Variants in AGPAT5 observed in about 807,000 individuals in gnomAD.
The protein encoded by AGPAT5 is 1-acyl-sn-glycerol-3-phosphate acyltransferase epsilon.
In AGPAT5, 46 loss-of-function variants were observed where a neutral mutation model predicts 45.6. That is an observed-to-expected ratio of 1.01 (90% confidence interval 0.80 to 1.29). The LOEUF is 1.29. Ranked by LOEUF, AGPAT5 falls within the 50% of genes most tolerant of loss-of-function variation. The pLI, the probability that AGPAT5 is intolerant of heterozygous loss-of-function variation, is 0.00. For synonymous variants in AGPAT5, 272 were observed against 167.0 expected, an observed-to-expected ratio of 1.63 and a Z score of -4.85; for missense variants, 673 against 450.7, an observed-to-expected ratio of 1.49 and a Z score of -4.47.
At chr8:6,709,904 A>G (rs1236059366) in intron 1 of AGPAT5, among the ~76,000 whole-genome samples, 2 of 152,194 alleles carry the variant, frequency 1.3e-5, no homozygotes, top group East Asian at 1.9e-4. Context: ...CTTGGAAAGA[A>G]AAAAAGATAC....
rs1014379099 is a variant in AGPAT5, at chr8:6,758,312, A to C, written c.*924A>C. On this transcript the variant is annotated 3_prime_UTR_variant, in exon 8 of 8. Transcript: ENST00000285518. The stretch of plus-strand genomic sequence containing the variant: ...TGCAGACATTCTGCCTAGATTTACT[A>C]GCGTGTGCCTTTTGCCTGCTTCTCT... 1 of 152,648 alleles carries C rather than the reference A, an allele frequency of 6.6e-6. No homozygotes were observed. The highest frequency in any genetic ancestry group is 2.4e-5 in the African/African-American group (1 of 41,450). The allele number at this position is 152,648 out of a possible 1,614,324, so 9.5% of individuals were successfully genotyped here.
intron 1 of AGPAT5, among the ~76,000 whole-genome samples, chr8:6,723,221 G>C (rs1485318298): frequency 6.6e-6 from 1 of 152,144 alleles, no homozygotes; most frequent in African/African-American, 2.4e-5. Context: ...TAGGCTCTTG[G>C]GGTAGAAAAC....
chr8:6,750,747 A>T (rs1049001528), intron 6 of AGPAT5, among the ~76,000 whole-genome samples: 18 of 150,150 alleles, frequency 1.2e-4, no homozygotes, highest in Admixed American at 2.7e-4. Flanking sequence ...AATCCATTAG[A>T]TTGGCAAACA....
chr8:6,753,949 G>A (rs1158942430), intron 6 of AGPAT5, among the ~76,000 whole-genome samples: 1 of 152,154 alleles, frequency 6.6e-6, no homozygotes, highest in Non-Finnish European at 1.5e-5. Flanking sequence ...GGAAGTGTGT[G>A]GGGTTGAAGG....
At chr8:6,719,919 C>G (rs990367958) in intron 1 of AGPAT5, among the ~76,000 whole-genome samples, 3 of 152,150 alleles carry the variant, frequency 2.0e-5, no homozygotes, top group Non-Finnish European at 4.4e-5. Flanking sequence ...TGAGAAGCAC[C>G]AGGAACACCT....
intron 2 of AGPAT5, 40 bp from the exon 3 acceptor site, chr8:6,730,671 A>G (rs370412609): frequency 6.2e-5 from 85 of 1,380,144 alleles, no homozygotes; most frequent in Non-Finnish European, 8.2e-5. Context: ...CAACCTGTGA[A>G]GAGCCTCATG....
intron 6 of AGPAT5, among the ~76,000 whole-genome samples, chr8:6,748,975 A>T (rs1159794992): frequency 6.6e-6 from 1 of 152,238 alleles, no homozygotes. Context: ...ACAACAAAAC[A>T]TTTATAAAAG....
intron 7 of AGPAT5, 139 bp downstream of exon 7, chr8:6,755,313 C>G (rs1331426124): frequency 2.0e-6 from 2 of 977,256 alleles, no homozygotes; most frequent in South Asian, 3.5e-5. Context: ...TTATGCATGT[C>G]TGATCGTGTT....
At position 6,755,151 on chromosome 8, in the gene AGPAT5, T is replaced by A; in HGVS notation, c.846T>A (p.His282Gln). 6.2e-7 allele frequency: 1 copy of A among 1,602,976 alleles called. No individual in the cohort carries two copies. The highest frequency in any genetic ancestry group is 8.5e-7 in the Non-Finnish European group (1 of 1,178,168). ...AAGAACATATGAGAAGATGGCTGCA[T>A]GAACGTTTCGAAATCAAAGATAAGT... ...EEQEHMRRWL[H>Q]ERFEIKDKML... is the part of the protein sequence containing the mutation. Residue 282 changes from histidine to glutamine, a missense_variant, in exon 7 of 8, where the codon CAT (histidine) becomes CAA (glutamine). Transcript: ENST00000285518.
rs779466848 is a variant in AGPAT5 at position 6,760,918 on chromosome 8, T to C, written c.*3530T>C. Among the ~76,000 whole-genome samples the C allele has an allele frequency of 5.3e-5, 8 of 152,330 alleles. No homozygotes were observed. Among genetic ancestry groups the C allele is most frequent in the African/African-American group, 1.7e-4 (7 of 41,580 alleles). Reference sequence around the variant, plus strand: ...TTTAAAACCTTCAACTATTATGAAGTGCTCGTCTGTACAATCGCTAATTTA... The same window carrying C: ...TTTAAAACCTTCAACTATTATGAAGCGCTCGTCTGTACAATCGCTAATTTA... On this transcript the variant is annotated 3_prime_UTR_variant, in exon 8 of 8. Transcript: ENST00000285518.
chr8:6,724,111 C>T (rs896258625), intron 1 of AGPAT5, among the ~76,000 whole-genome samples: 3 of 152,122 alleles, frequency 2.0e-5, no homozygotes, highest in East Asian at 1.9e-4. Flanking sequence ...ACAGGTACAT[C>T]GAACACCTGT....
intron 1 of AGPAT5, among the ~76,000 whole-genome samples, chr8:6,723,603 C>T (rs1035591063): frequency 6.6e-6 from 1 of 152,364 alleles, no homozygotes; most frequent in East Asian, 1.9e-4. Flanking sequence ...GATTTACTCA[C>T]AAGCCACGAT....
rs556400556 is a variant in AGPAT5 at position 6,742,210 on chromosome 8, A to C, written c.586+459A>C. Among the ~76,000 whole-genome samples, 13 of 152,346 alleles carry C rather than the reference A, an allele frequency of 8.5e-5. No individual in the cohort carries two copies. In the South Asian group the frequency reaches 2.7e-3, roughly 32 times the overall value. ...CATCTCTTAAAAGAACATATGCCTTATAAGTAGATCTAAATCTGTGTGAGG... is the reference window on the plus strand; with the variant it reads ...CATCTCTTAAAAGAACATATGCCTTCTAAGTAGATCTAAATCTGTGTGAGG... On this transcript the variant is annotated intron_variant, in intron 5 of 7. Transcript: ENST00000285518.
chr8:6,739,146 C>CTA (rs145838978), intron 4 of AGPAT5, among the ~76,000 whole-genome samples: 4,277 of 151,264 alleles, frequency 0.028, 135 homozygotes, highest in African/African-American at 0.072. Context: ...TTATATTGAT[C>CTA]TATATATATA....
At chr8:6,754,971 T>A in intron 6 of AGPAT5, 80 bp from the exon 7 acceptor site, 1 of 1,203,412 alleles carries the variant, frequency 8.3e-7, no homozygotes. Context: ...TTTGTCCTGT[T>A]ACCTTATTTT....
chr8:6,746,858 T>C (rs1587057384), intron 5 of AGPAT5, among the ~76,000 whole-genome samples: 1 of 152,194 alleles, frequency 6.6e-6, no homozygotes, highest in African/African-American at 2.4e-5. Flanking sequence ...TGTCAGTAAA[T>C]ATTTTAATCA....
At chr8:6,744,237 T>G (rs1461789297) in intron 5 of AGPAT5, among the ~76,000 whole-genome samples, 4 of 152,226 alleles carry the variant, frequency 2.6e-5, no homozygotes, top group African/African-American at 9.6e-5. Flanking sequence ...CAAATGTTTA[T>G]TCTTTCTCAT....
At chr8:6,737,141 C>T (rs948641510) in intron 4 of AGPAT5, among the ~76,000 whole-genome samples, 2 of 152,176 alleles carry the variant, frequency 1.3e-5, no homozygotes, top group Non-Finnish European at 1.5e-5. Context: ...ATGTTCCTAG[C>T]GCAGTGTGGA....
At chr8:6,723,745 A>G (rs1487169413) in intron 1 of AGPAT5, among the ~76,000 whole-genome samples, 1 of 152,226 alleles carries the variant, frequency 6.6e-6, no homozygotes, top group Admixed American at 6.5e-5. Context: ...GTTTCTAAGG[A>G]AAGTAATGGA....
Sources: gnomAD v4.1 joint callset for allele counts (sites outside exome capture counted in the v4.1 genomes callset) on GRCh38, gnomAD v4.1.1 for gene constraint, MANE v1.5 for transcripts, NCBI Gene and HGNC (gene_info 2026-07-23, HGNC 2026-07-21) for gene names.